TACC2: variants seen among roughly 807,000 people sequenced by gnomAD.
TACC2 encodes transforming acidic coiled-coil containing protein 2, also known as transforming acidic coiled-coil-containing protein 2.
In TACC2, 137 loss-of-function variants were observed where a neutral mutation model predicts 227.3. The ratio of observed to expected loss-of-function variants is 0.60; its 90% CI spans 0.52 to 0.69. The LOEUF is 0.69. TACC2 is among the 30% of genes least tolerant of loss of function. TACC2 has a pLI of 0.00. For synonymous variants in TACC2, 1,523 were observed against 1,487.5 expected (o/e 1.02, Z -0.55); for missense variants, 3,470 against 3,694.4 (o/e 0.94, Z 1.57).
At chr10:122,112,230 T>C (rs1426460093) in intron 5 of TACC2, among the ~76,000 whole-genome samples, 1 of 152,162 alleles carries the variant, frequency 6.6e-6, no homozygotes, top group East Asian at 1.9e-4. Context: ...GCTGCAGAAA[T>C]TTCTAGAGAA....
At position 122,084,149 on chromosome 10, in the gene TACC2, C is replaced by T. The variant is rs548635055; in HGVS notation, c.1649C>T (p.Thr550Met). The T allele has an allele frequency of 8.5e-5, 138 of 1,614,040 alleles. 1 individual carries two copies. Among genetic ancestry groups the T allele is most frequent in the South Asian group, 4.8e-4 (44 of 91,078 alleles). The change falls in exon 4 of 23, where the codon ACG becomes ATG. Residue 550 changes from threonine (T) to methionine (M), a missense_variant. Thr to Met is a moderately conservative substitution (Grantham distance 81). This residue lies in a region of TACC2 where 1,924 missense variants were observed against 1,978.3 expected (regional missense o/e 0.97). Coordinates refer to ENST00000369005, the MANE Select transcript of TACC2 (RefSeq NM_206862.4). ...AGTGCCAGAGGGCCACCGGGGCCAACGGATGGAGCCAAGGTCCATGAAGAT... is the reference window on the plus strand; with the variant it reads ...AGTGCCAGAGGGCCACCGGGGCCAATGGATGGAGCCAAGGTCCATGAAGAT... Reference protein sequence around the residue: ...SESARGPPGPTDGAKVHEDST... With the variant: ...SESARGPPGPMDGAKVHEDST...
intron 1 of TACC2, among the ~76,000 whole-genome samples, chr10:122,011,164 C>T (rs1285935384): frequency 1.3e-5 from 2 of 152,084 alleles, no homozygotes; most frequent in South Asian, 4.1e-4. Context: ...AGGGAGCAGA[C>T]AGAGAGCTAG....
At chr10:122,122,197 T>C (rs1201613644) in intron 5 of TACC2, among the ~76,000 whole-genome samples, 3 of 151,906 alleles carry the variant, frequency 2.0e-5, no homozygotes, top group Non-Finnish European at 4.4e-5. Context: ...CTACTAAAAA[T>C]ACAAAAAATT....
intron 3 of TACC2, among the ~76,000 whole-genome samples, chr10:122,062,199 A>AT (rs1382377304): frequency 1.3e-5 from 2 of 151,262 alleles, no homozygotes; most frequent in Admixed American, 6.6e-5. Flanking sequence ...CGCCTGGCTA[A>AT]TTTTTTGTAT....
intron 1 of TACC2, among the ~76,000 whole-genome samples, chr10:121,997,609 G>T (rs185744484): frequency 2.7e-5 from 3 of 110,234 alleles, no homozygotes; most frequent in Admixed American, 2.2e-4. Flanking sequence ...TTTTCAGAGA[G>T]AAGAACAAAG....
chr10:122,065,070 C>T (rs1023355388), intron 3 of TACC2, among the ~76,000 whole-genome samples: 1 of 152,104 alleles, frequency 6.6e-6, no homozygotes, highest in Non-Finnish European at 1.5e-5. Context: ...ATTTTATACA[C>T]GGATACTTGT....
At chr10:122,139,759 C>G (rs1047552484) in intron 6 of TACC2, among the ~76,000 whole-genome samples, 11 of 152,292 alleles carry the variant, frequency 7.2e-5, no homozygotes, top group African/African-American at 2.4e-4. Context: ...TGCTAAATGC[C>G]TTCCAGATGG....
intron 5 of TACC2, among the ~76,000 whole-genome samples, chr10:122,117,139 C>T (rs756717415): frequency 9.2e-5 from 14 of 151,968 alleles, no homozygotes; most frequent in South Asian, 2.1e-4. Context: ...ATCTCAGGGC[C>T]GCAGTTTCTC....
intron 5 of TACC2, among the ~76,000 whole-genome samples, chr10:122,132,060 G>GA (rs1194305877): frequency 1.2e-4 from 2 of 16,086 alleles, no homozygotes; most frequent in South Asian, 6.1e-3. Flanking sequence ...AAGAAAGAAA[G>GA]AAAGAAAAAG....
chr10:122,178,521 G>A (rs1249037370), intron 7 of TACC2, among the ~76,000 whole-genome samples: 3 of 151,874 alleles, frequency 2.0e-5, no homozygotes, highest in African/African-American at 4.8e-5. Flanking sequence ...ACAGGCATGA[G>A]CCACCGCGCC....
At chr10:122,164,674 C>G (rs928470998) in intron 7 of TACC2, among the ~76,000 whole-genome samples, 2 of 152,146 alleles carry the variant, frequency 1.3e-5, no homozygotes, top group Non-Finnish European at 2.9e-5. Flanking sequence ...CTGTTATGGT[C>G]GTCTCCATTA....
Position 122,237,625 on chromosome 10 carries a change from C to T in TACC2, c.8271+87C>T, listed in dbSNP as rs1475715701. The T allele has an allele frequency of 2.0e-6, 3 of 1,497,360 alleles. No individual in the cohort carries two copies. In the African/African-American group the frequency reaches 4.1e-5, roughly 21 times the overall value. The allele number at this position is 1,497,360 out of a possible 1,614,324, so 92.8% of individuals were successfully genotyped here. A position where few individuals can be genotyped will look rare whatever the true frequency, so the allele number is the denominator to read the frequency against. ...TCCACAAAGCCAGAGTCTTTGGAGACAGACTTTGTCCTCTGAACGCTGCAG... is the reference window on the plus strand; with the variant it reads ...TCCACAAAGCCAGAGTCTTTGGAGATAGACTTTGTCCTCTGAACGCTGCAG... On this transcript the variant is annotated intron_variant, in intron 17 of 22. Transcript: ENST00000369005.
intron 14 of TACC2, among the ~76,000 whole-genome samples, chr10:122,229,074 C>A (rs2095683385): frequency 6.6e-6 from 1 of 152,066 alleles, no homozygotes; most frequent in Admixed American, 6.6e-5. Flanking sequence ...CTCCCACTCA[C>A]TGACCAGGGA....
At chr10:122,244,075 A>G (rs1300694752) in intron 19 of TACC2, among the ~76,000 whole-genome samples, 1 of 152,130 alleles carries the variant, frequency 6.6e-6, no homozygotes, top group Non-Finnish European at 1.5e-5. Flanking sequence ...GGACCTTTTC[A>G]ATCCTAGGCA....
chr10:122,102,525 T>G (rs1244830112), intron 5 of TACC2, among the ~76,000 whole-genome samples: 1 of 152,232 alleles, frequency 6.6e-6, no homozygotes, highest in Non-Finnish European at 1.5e-5. Context: ...CTGATGTCAC[T>G]TGGACATCTG....
At chr10:122,145,223 A>G (rs2091215593) in intron 7 of TACC2, among the ~76,000 whole-genome samples, 1 of 152,246 alleles carries the variant, frequency 6.6e-6, no homozygotes, top group African/African-American at 2.4e-5. Flanking sequence ...AAAAACTTGT[A>G]TGCATGTATT....
chr10:122,085,189 T>C lies in TACC2; in HGVS notation c.2689T>C (p.Leu897=). The change falls in exon 4 of 23, where the codon TTG becomes CTG. Residue 897 remains leucine (L), a synonymous_variant. Coordinates refer to ENST00000369005, the MANE Select transcript of TACC2 (RefSeq NM_206862.4). ...LPTHGGQEQA[L]GSELQSQLPK... ...CACTCATGGAGGACAGGAGCAGGCT[T>C]TGGGATCAGAACTTCAAAGTCAGCT... 1 of 1,614,108 alleles carries C rather than the reference T, an allele frequency of 6.2e-7. No homozygotes were observed. Among genetic ancestry groups the C allele is most frequent in the Non-Finnish European group, 8.5e-7 (1 of 1,180,026 alleles).
Position 122,036,906 on chromosome 10 carries a change from C to G in TACC2, c.34-13532C>G, listed in dbSNP as rs1019548162. Among the ~76,000 whole-genome samples the G allele has an allele frequency of 5.9e-5, 9 of 152,210 alleles. No individual in the cohort carries two copies. The South Asian group carries it at 1.2e-3, about 21-fold the overall frequency. ...ATTTTACATTTCCACTAGCAATATA[C>G]TAATGTTCCAATTTCTCTACATCCT... On this transcript the variant is annotated intron_variant, in intron 2 of 22. Coordinates refer to ENST00000369005, the MANE Select transcript of TACC2 (RefSeq NM_206862.4).
At position 122,050,727 on chromosome 10, in the gene TACC2, C is replaced by G; in HGVS notation, c.146+177C>G. ...ACAGACCTCTCTGTGACTGGCTAGG[C>G]CTGCATGATTGAAAAATTCATCCTG... is the stretch of plus-strand genomic sequence containing the variant. On this transcript the variant is annotated intron_variant, in intron 3 of 22. Coordinates refer to ENST00000369005, the MANE Select transcript of TACC2 (RefSeq NM_206862.4). This position sits in a 1 kb window ranked among gnomAD's most constrained non-coding sequence, Gnocchi z 4.6. The G allele has an allele frequency of 1.8e-6, 1 of 542,772 alleles. No individual in the cohort carries two copies. Among genetic ancestry groups the G allele is most frequent in the Non-Finnish European group, 3.3e-6 (1 of 303,220 alleles). 33.6% of individuals were successfully genotyped at this position (542,772 alleles called of 1,614,324 possible).
Sources: gnomAD v4.1 joint callset for allele counts (sites outside exome capture counted in the v4.1 genomes callset) on GRCh38, gnomAD v4.1.1 for gene constraint, gnomAD v4.1.1 regional missense constraint, Gnocchi (gnomAD v3.1) non-coding constraint, MANE v1.5 for transcripts, NCBI Gene and HGNC (gene_info 2026-07-23, HGNC 2026-07-21) for gene names.